The following PHEX variants were observed in gnomAD, a reference collection of about 807,000 sequenced individuals.
PHEX encodes phosphate-regulating neutral endopeptidase PHEX.
In PHEX, 16 loss-of-function variants were observed where a neutral mutation model predicts 68.0. That is an observed-to-expected ratio of 0.24 (90% CI 0.16 to 0.36). The LOEUF is 0.36. Among genes scored for constraint, PHEX ranks in the 10% least tolerant of loss-of-function variants. The pLI is 1.00. For missense variants in PHEX, 480 were observed against 575.5 expected (o/e 0.83, Z 1.70); for synonymous variants, 208 against 205.1 (o/e 1.01, Z -0.12).
intron 12 of PHEX, among the ~76,000 whole-genome samples, chrX:22,159,570 A>G (rs1933050394): frequency 1.8e-5 from 2 of 112,359 alleles, no homozygotes; most frequent in African/African-American, 6.5e-5. Context: ...AGAATATATT[A>G]TGATACATGA....
intron 15 of PHEX, among the ~76,000 whole-genome samples, chrX:22,196,793 A>AT (rs780483064): frequency 4.5e-5 from 5 of 112,034 alleles, no homozygotes; most frequent in African/African-American, 9.7e-5. Context: ...TACACAAGGG[A>AT]TTTTTTTCCC....
At chrX:22,128,741 A>G in intron 11 of PHEX, among the ~76,000 whole-genome samples, 1 of 110,405 alleles carries the variant, frequency 9.1e-6, no homozygotes, top group East Asian at 2.9e-4. Flanking sequence ...GGTGCTTTCT[A>G]TTATTGCTAC....
At chrX:22,084,953 T>C (rs947288255) in intron 5 of PHEX, among the ~76,000 whole-genome samples, 11 of 111,325 alleles carry the variant, frequency 9.9e-5, no homozygotes, top group African/African-American at 2.9e-4. Context: ...TTTCATTAAT[T>C]TTTTTTGGTG....
chrX:22,250,447 A>AAATT lies in PHEX; in HGVS notation c.*2497_*2500dup, dbSNP rs1390800296. Reference sequence around the variant, plus strand: ...GAAGTTTTACAAAAATAATTATGGTAAATTAAAAGGATATTAGATATTGGA... The same window carrying AAATT: ...GAAGTTTTACAAAAATAATTATGGTAAATTAATTAAAAGGATATTAGATATTGGA... On this transcript the variant is annotated 3_prime_UTR_variant, in exon 22 of 22. Transcript: ENST00000379374. The AAATT allele has an allele frequency of 8.9e-6, 1 of 111,804 alleles. No individual in the cohort carries two copies. Among genetic ancestry groups the AAATT allele is most frequent in the East Asian group, 2.8e-4 (1 of 3,570 alleles). The allele number at this position is 111,804 out of a possible 1,213,427, so 9.2% of individuals were successfully genotyped here. A position where few individuals can be genotyped will look rare whatever the true frequency, so the allele number is the denominator to read the frequency against.
intron 3 of PHEX, 141 bp from the exon 4 acceptor site, chrX:22,076,247 A>C (rs2147018947): frequency 2.0e-6 from 1 of 503,460 alleles, no homozygotes; most frequent in African/African-American, 2.4e-5. Context: ...TTGTCTGCAT[A>C]TCTTTGATAG....
In PHEX at chrX:22,247,828, T is replaced by C. The variant is rs769255970; in HGVS notation, c.2148-23T>C. ...TGATGTGCAAGAATTATATGACATA[T>C]GCTTTGACATATCGTTTTTCAGGGT... On this transcript the variant is annotated intron_variant, in intron 21 of 21. Transcript: ENST00000379374. 47 of 1,029,485 alleles carry C rather than the reference T, an allele frequency of 4.6e-5. 1 individual carries two copies. The South Asian group carries it at 8.3e-4, about 18-fold the overall frequency. 84.8% of individuals were successfully genotyped at this position (1,029,485 alleles called of 1,213,427 possible).
intron 11 of PHEX, among the ~76,000 whole-genome samples, chrX:22,125,679 A>G (rs1276041034): frequency 8.9e-6 from 1 of 111,742 alleles, no homozygotes; most frequent in East Asian, 2.8e-4. Flanking sequence ...CATTCTGGAG[A>G]CATTTGCTGT....
rs140197326 is a variant in PHEX, at chrX:22,075,499, G to A, written c.350-889G>A. Among the ~76,000 whole-genome samples, 782 of 110,663 alleles carry A rather than the reference G, an allele frequency of 7.1e-3. 3 individuals carry two copies. The highest frequency in any genetic ancestry group is 0.015 in the South Asian group (38 of 2,589). On this transcript the variant is annotated intron_variant, in intron 3 of 21. Transcript: ENST00000379374. ...TTGACAAGGCAGTTTGACATAGTTCGGTGAAGGCAGTGCCCTGGTGCTGCA... is the reference window on the plus strand; with the variant it reads ...TTGACAAGGCAGTTTGACATAGTTCAGTGAAGGCAGTGCCCTGGTGCTGCA...
At position 22,119,817 on chromosome X, in the gene PHEX, G is replaced by A. The variant is rs765905792; in HGVS notation, c.1302+5231G>A. Among the ~76,000 whole-genome samples, 162 of 110,242 alleles carry A rather than the reference G, an allele frequency of 1.5e-3. 1 individual carries two copies. The highest frequency in any genetic ancestry group is 2.1e-3 in the Non-Finnish European group (111 of 52,867). ...TCCTCATGTTGGCCAAGCTGGTCTT[G>A]AACTCCTGACTTTAAGTGATCTCCC... On this transcript the variant is annotated intron_variant, in intron 11 of 21. Coordinates refer to ENST00000379374, the MANE Select transcript of PHEX (RefSeq NM_000444.6).
chrX:22,223,072 G>T (rs1328830520), intron 18 of PHEX, among the ~76,000 whole-genome samples: 2 of 112,248 alleles, frequency 1.8e-5, no homozygotes, highest in Non-Finnish European at 3.8e-5. Flanking sequence ...TTGTCACAAG[G>T]ACGATAGAAA....
intron 15 of PHEX, among the ~76,000 whole-genome samples, chrX:22,208,003 A>G (rs1195591618): frequency 3.6e-5 from 4 of 110,575 alleles, no homozygotes; most frequent in Non-Finnish European, 7.6e-5. Context: ...CGTCATTTAC[A>G]TTTGGTATTT....
intron 14 of PHEX, among the ~76,000 whole-genome samples, chrX:22,179,801 T>C (rs1933827842): frequency 8.9e-6 from 1 of 111,986 alleles, no homozygotes; most frequent in Admixed American, 9.5e-5. Context: ...TGAAGTCATC[T>C]ATAATAGTCA....
chrX:22,055,916 T>C (rs1470503813), intron 3 of PHEX, among the ~76,000 whole-genome samples: 2 of 111,865 alleles, frequency 1.8e-5, no homozygotes, highest in African/African-American at 6.5e-5. Flanking sequence ...GTCTTACTTT[T>C]TGACTCTTGT....
rs146994295 is a variant in PHEX at position 22,054,824 on chromosome X, C to T, written c.349+7613C>T. ...TCATAGTTTTCCTGCTCTGATATACCGTTTGAGTATTGGTAGGTGTGCGTG... is the reference window on the plus strand; with the variant it reads ...TCATAGTTTTCCTGCTCTGATATACTGTTTGAGTATTGGTAGGTGTGCGTG... On this transcript the variant is annotated intron_variant, in intron 3 of 21. Coordinates refer to ENST00000379374, the MANE Select transcript of PHEX (RefSeq NM_000444.6). Among the ~76,000 whole-genome samples the T allele has an allele frequency of 2.4e-3, 262 of 110,150 alleles. 2 individuals are homozygous for T. The highest frequency in any genetic ancestry group is 7.9e-3 in the African/African-American group (241 of 30,359).
At chrX:22,107,629 C>T (rs930653845) in intron 9 of PHEX, among the ~76,000 whole-genome samples, 1 of 111,983 alleles carries the variant, frequency 8.9e-6, no homozygotes, top group African/African-American at 3.2e-5. Context: ...CCAGAGTTCA[C>T]GTTCCTGTTT....
intron 3 of PHEX, among the ~76,000 whole-genome samples, chrX:22,064,934 C>T (rs772544223): frequency 8.9e-6 from 1 of 112,132 alleles, no homozygotes; most frequent in African/African-American, 3.2e-5. Flanking sequence ...ATAACCTACC[C>T]ATTAATACCA....
At chrX:22,169,845 T>C (rs993911755) in intron 13 of PHEX, 4 of 112,825 alleles carry the variant, frequency 3.5e-5, no homozygotes, top group Admixed American at 1.9e-4. Flanking sequence ...CTCCCTTTGG[T>C]TATCTGGCTA....
chrX:22,049,494 G>A (rs1018985471), intron 3 of PHEX, among the ~76,000 whole-genome samples: 1 of 111,629 alleles, frequency 9.0e-6, no homozygotes, highest in African/African-American at 3.2e-5. Flanking sequence ...GTATCCTTAG[G>A]ATAAATTTCC....
In PHEX at chrX:22,108,604, GA is replaced by G. The variant is rs1186736894; in HGVS notation, c.1080-2862del. ...CATTTGATCTGTATGGAACATGTGA[GA>G]GGGGCACTGTCACCCTCACTGGCTT... On this transcript the variant is annotated intron_variant, in intron 9 of 21. Transcript: ENST00000379374. Among the ~76,000 whole-genome samples the G allele has an allele frequency of 2.7e-5, 3 of 112,011 alleles. No individual in the cohort carries two copies. The East Asian group carries it at 8.4e-4, about 31-fold the overall frequency.
Sources: allele counts gnomAD v4.1 joint callset (sites outside exome capture counted in the v4.1 genomes callset), GRCh38; gene constraint gnomAD v4.1.1; transcripts MANE v1.5; gene names NCBI Gene and HGNC (gene_info 2026-07-23, HGNC 2026-07-21).